Variants in SFMBT1 observed in about 807,000 individuals in gnomAD.
The protein encoded by SFMBT1 is scm-like with four MBT domains protein 1.
A neutral mutation model predicts 108.7 loss-of-function variants in SFMBT1; 32 were observed. The observed-to-expected ratio is 0.29, with a 90% CI of 0.22 to 0.40. The LOEUF (loss-of-function observed/expected upper bound fraction) is 0.40, where lower values mean the gene tolerates loss of function less well. SFMBT1 is among the 10% of genes least tolerant of loss of function. The pLI, the probability that SFMBT1 is intolerant of heterozygous loss-of-function variation, is 1.00. For missense variants in SFMBT1, 816 were observed against 1,059.6 expected, an observed-to-expected ratio of 0.77 and a Z score of 3.19; for synonymous variants, 348 against 369.5, an observed-to-expected ratio of 0.94 and a Z score of 0.67.
intron 3 of SFMBT1, among the ~76,000 whole-genome samples, chr3:52,953,430 C>A (rs1300605031): frequency 8.7e-6 from 1 of 115,360 alleles, no homozygotes; most frequent in Admixed American, 8.7e-5. Context: ...AGACACTGAC[C>A]CCCTACCCCC....
intron 1 of SFMBT1, among the ~76,000 whole-genome samples, chr3:53,036,321 C>T (rs1194063573): frequency 1.3e-5 from 2 of 152,194 alleles, no homozygotes; most frequent in African/African-American, 4.8e-5. Context: ...TTTTACTTAT[C>T]GGGCTTCCTA....
chr3:53,005,232 A>G (rs925466414), intron 1 of SFMBT1, among the ~76,000 whole-genome samples: 1 of 152,240 alleles, frequency 6.6e-6, no homozygotes, highest in Non-Finnish European at 1.5e-5. Context: ...TTACAATGGT[A>G]AATGATGACT....
chr3:52,910,419 G>A (rs866370550), intron 17 of SFMBT1, among the ~76,000 whole-genome samples: 1 of 152,136 alleles, frequency 6.6e-6, no homozygotes, highest in Non-Finnish European at 1.5e-5. Flanking sequence ...TAAAGCCCAT[G>A]AGTCAAGTCT....
intron 1 of SFMBT1, among the ~76,000 whole-genome samples, chr3:53,006,933 T>C (rs549165156): frequency 6.6e-6 from 1 of 152,336 alleles, no homozygotes; most frequent in South Asian, 2.1e-4. Flanking sequence ...CCATGTTTCA[T>C]TTTATGGCTC....
chr3:52,916,170 T>G lies in SFMBT1; in HGVS notation c.1460A>C (p.Glu487Ala). The G allele has an allele frequency of 6.2e-7, 1 of 1,614,086 alleles. No homozygotes were observed. Among genetic ancestry groups the G allele is most frequent in the Non-Finnish European group, 8.5e-7 (1 of 1,179,982 alleles). ...TATACCTGACTCTGTGGAGTTCAGC[T>G]CCTGATTCCTCAGGCCCTCGTGGAC... is the stretch of plus-strand genomic sequence containing the variant. ...RTVHEGLRNQ[E>A]LNSTESVMIN... Residue 487 changes from glutamate (E) to alanine (A), a missense_variant, in exon 14 of 21, where the codon GAG (glutamate) becomes GCG (alanine). Transcript: ENST00000394752.
chr3:52,971,945 A>G (rs999317103), intron 1 of SFMBT1, among the ~76,000 whole-genome samples: 1 of 152,250 alleles, frequency 6.6e-6, no homozygotes, highest in African/African-American at 2.4e-5. Context: ...AAGAGAAGGG[A>G]TAACAGCAAT....
intron 20 of SFMBT1, 62 bp from the exon 21 acceptor site, chr3:52,905,338 C>T: frequency 1.3e-6 from 2 of 1,542,766 alleles, no homozygotes; most frequent in Admixed American, 1.8e-5. Context: ...TTGATCATGA[C>T]AGCCTCTCCT....
At chr3:52,959,565 C>T (rs1177704787) in intron 2 of SFMBT1, among the ~76,000 whole-genome samples, 1 of 152,202 alleles carries the variant, frequency 6.6e-6, no homozygotes, top group Non-Finnish European at 1.5e-5. Flanking sequence ...TATCCCTCAA[C>T]TCAAAGAATC....
chr3:52,925,370 A>AT (rs1204789322), intron 10 of SFMBT1, among the ~76,000 whole-genome samples: 12 of 152,262 alleles, frequency 7.9e-5, no homozygotes, highest in Non-Finnish European at 1.5e-4. Context: ...GTAATAAAAA[A>AT]TAATTAAATG....
At chr3:52,985,920 A>G (rs1018476820) in intron 1 of SFMBT1, among the ~76,000 whole-genome samples, 5 of 152,142 alleles carry the variant, frequency 3.3e-5, no homozygotes, top group Admixed American at 6.5e-5. Context: ...AGGTGGGCAG[A>G]TCATTTGAGG....
chr3:52,994,228 T>C (rs1257960652), intron 1 of SFMBT1, among the ~76,000 whole-genome samples: 1 of 150,454 alleles, frequency 6.6e-6, no homozygotes, highest in Non-Finnish European at 1.5e-5. Flanking sequence ...AACTGTGCCA[T>C]CTGGTCACAA....
chr3:53,022,624 GGAT>G (rs1490204253), intron 1 of SFMBT1, among the ~76,000 whole-genome samples: 4 of 152,122 alleles, frequency 2.6e-5, no homozygotes, highest in Non-Finnish European at 4.4e-5. Context: ...GGATGAACCT[GGAT>G]GATACTATGC....
chr3:53,012,464 G>A (rs546137370), intron 1 of SFMBT1, among the ~76,000 whole-genome samples: 30 of 151,626 alleles, frequency 2.0e-4, no homozygotes, highest in African/African-American at 5.8e-4. Flanking sequence ...GTGCAGTGGC[G>A]CGATCTCAGC....
rs973954493 is a variant in SFMBT1 at position 52,928,217 on chromosome 3, T to C, written c.1022A>G (p.Asn341Ser). ...TGGAGGGGGGCTGATGTGTAGGCCA[T>C]TCTTCAGACTCCACTGCACAGGGAA... Reference protein sequence around the residue: ...GIFPVQWSLKNGLHISPPPGY... With the variant: ...GIFPVQWSLKSGLHISPPPGY... Residue 341 changes from asparagine (N) to serine (S), a missense_variant, in exon 9 of 21, where the codon AAT (asparagine) becomes AGT (serine). Asn to Ser is a conservative substitution (Grantham distance 46). Transcript: ENST00000394752. 14 of 1,613,308 alleles carry C rather than the reference T, an allele frequency of 8.7e-6. No homozygotes were observed. The highest frequency in any genetic ancestry group is 3.3e-5 in the Admixed American group (2 of 59,840).
Position 52,948,825 on chromosome 3 carries a change from A to ATTTTTTTT in SFMBT1, c.124-5240_124-5233dup, listed in dbSNP as rs71615878. Among the ~76,000 whole-genome samples the ATTTTTTTT allele has an allele frequency of 1.4e-3, 110 of 78,298 alleles. 13 individuals carry two copies. Among genetic ancestry groups the ATTTTTTTT allele is most frequent in the African/African-American group, 1.9e-3 (38 of 20,426 alleles). 51.4% of individuals were successfully genotyped at this position (78,298 alleles called of 152,430 possible). On this transcript the variant is annotated intron_variant, in intron 3 of 20. Transcript: ENST00000394752. ...CTCCACCATGCCTGGCTAATTTTTA[A>ATTTTTTTT]TTTTTTTTTTTTTTTTTTTTTGTAG...
chr3:52,952,586 C>T (rs531812649), intron 3 of SFMBT1, among the ~76,000 whole-genome samples: 3 of 152,210 alleles, frequency 2.0e-5, no homozygotes, highest in Admixed American at 2.0e-4. Flanking sequence ...CTGGAAAGTC[C>T]AAGATGAAGG....
chr3:52,964,711 G>A (rs150241274), intron 2 of SFMBT1, among the ~76,000 whole-genome samples: 14 of 152,222 alleles, frequency 9.2e-5, no homozygotes, highest in Non-Finnish European at 1.5e-4. Context: ...GATATGTTCA[G>A]GAGGTACTTG....
intron 1 of SFMBT1, among the ~76,000 whole-genome samples, chr3:53,035,310 G>C (rs932490268): frequency 2.7e-5 from 4 of 147,746 alleles, no homozygotes; most frequent in African/African-American, 1.0e-4. Context: ...ACTTTACCCG[G>C]CCAAATGTGG....
chr3:52,956,040 G>C (rs905260324), intron 2 of SFMBT1, among the ~76,000 whole-genome samples: 1 of 152,182 alleles, frequency 6.6e-6, no homozygotes, highest in African/African-American at 2.4e-5. Context: ...GAAATGCAAG[G>C]CTGGTTCAAC....
Sources: allele counts gnomAD v4.1 joint callset (sites outside exome capture counted in the v4.1 genomes callset), GRCh38; gene constraint gnomAD v4.1.1; transcripts MANE v1.5; gene names NCBI Gene and HGNC (gene_info 2026-07-23, HGNC 2026-07-21).